DAAM2: variants seen among roughly 807,000 people sequenced by gnomAD.
The protein encoded by DAAM2 is disheveled-associated activator of morphogenesis 2.
Under a neutral mutation model 120.7 loss-of-function variants are expected in DAAM2, and 39 were observed. That is an observed-to-expected ratio of 0.32 (90% confidence interval 0.25 to 0.42). The LOEUF is 0.42. DAAM2 is among the 10% of genes least tolerant of loss of function. The pLI is 1.00. For synonymous variants in DAAM2, 488 were observed against 524.9 expected (o/e 0.93, Z 0.96); for missense variants, 1,283 against 1,401.7 (o/e 0.92, Z 1.35).
intron 5 of DAAM2, among the ~76,000 whole-genome samples, chr6:39,865,888 A>G (rs1019090050): frequency 2.0e-5 from 3 of 152,186 alleles, no homozygotes; most frequent in African/African-American, 4.8e-5. Flanking sequence ...GTTTACATGC[A>G]TTGTATGTGC....
chr6:39,895,009 G>C (rs1159358019), intron 19 of DAAM2, among the ~76,000 whole-genome samples: 1 of 152,064 alleles, frequency 6.6e-6, no homozygotes, highest in Admixed American at 6.5e-5. Flanking sequence ...GGTTGTCCCT[G>C]CTGTTACATG....
In DAAM2 at chr6:39,879,292, C is replaced by T; in HGVS notation, c.1660C>T (p.Pro554Ser). ...TCCTCTGCCCTTTGCCTGTTGTCCCCCTCCCCCACCACCACCCCTTCCTCC... is the reference window on the plus strand; with the variant it reads ...TCCTCTGCCCTTTGCCTGTTGTCCCTCTCCCCCACCACCACCCCTTCCTCC... Reference protein sequence around the residue: ...PPPLPFACCPPPPPPPLPPGG... With the variant: ...PPPLPFACCPSPPPPPLPPGG... Residue 554 changes from proline (P) to serine (S), a missense_variant, in exon 14 of 25, where the codon CCT (proline) becomes TCT (serine). By Grantham distance (74) the Pro-to-Ser change is moderately conservative. Around this residue, in one of 3 missense-constraint regions of DAAM2, gnomAD observed 748 missense variants for 768.6 expected, o/e 0.97. Transcript: ENST00000274867. 6.8e-7 allele frequency: 1 copy of T among 1,466,348 alleles called. No homozygotes were observed. Among genetic ancestry groups the T allele is most frequent in the Non-Finnish European group, 9.4e-7 (1 of 1,066,942 alleles). The allele number at this position is 1,466,348 out of a possible 1,614,324, so 90.8% of individuals were successfully genotyped here.
chr6:39,876,523 C>T (rs544762989), intron 11 of DAAM2, among the ~76,000 whole-genome samples: 107 of 152,286 alleles, frequency 7.0e-4, no homozygotes, highest in African/African-American at 2.4e-3. Context: ...GATAAAAACT[C>T]CTGAGGTCCA....
chr6:39,897,476 A>G (rs1766178037), intron 21 of DAAM2, 194 bp downstream of exon 21: 3 of 507,584 alleles, frequency 5.9e-6, no homozygotes, highest in East Asian at 3.5e-5. Flanking sequence ...GCAAAAGAAG[A>G]TATCTTGTGA....
intron 19 of DAAM2, among the ~76,000 whole-genome samples, chr6:39,896,252 G>A (rs537735266): frequency 9.2e-5 from 14 of 151,564 alleles, no homozygotes; most frequent in African/African-American, 3.4e-4. Flanking sequence ...GCCCAGGCTG[G>A]AGTGCAGTGA....
intron 1 of DAAM2, among the ~76,000 whole-genome samples, chr6:39,812,108 G>A (rs987431798): frequency 1.3e-5 from 2 of 152,186 alleles, no homozygotes; most frequent in East Asian, 1.9e-4. Flanking sequence ...GTTAGGAGGG[G>A]AATATAAGCC....
intron 1 of DAAM2, among the ~76,000 whole-genome samples, chr6:39,813,357 G>A (rs1762219844): frequency 6.6e-6 from 1 of 152,142 alleles, no homozygotes; most frequent in Non-Finnish European, 1.5e-5. Flanking sequence ...CTTTGGGGCA[G>A]CTCAGCTTAC....
chr6:39,798,133 G>A (rs187858069), intron 1 of DAAM2, among the ~76,000 whole-genome samples: 21 of 152,350 alleles, frequency 1.4e-4, no homozygotes, highest in Admixed American at 1.0e-3. Context: ...CATGAACAGA[G>A]CAAGTATAGT....
intron 8 of DAAM2, among the ~76,000 whole-genome samples, chr6:39,871,111 C>G (rs748273091): frequency 6.6e-6 from 1 of 152,088 alleles, no homozygotes; most frequent in African/African-American, 2.4e-5. Context: ...AGACATTGGG[C>G]GATGCCTGCA....
chr6:39,866,604 A>G (rs1764442450), intron 5 of DAAM2, among the ~76,000 whole-genome samples: 1 of 152,354 alleles, frequency 6.6e-6, no homozygotes, highest in East Asian at 1.9e-4. Context: ...GTTTTAAATA[A>G]TAGATAAAAA....
chr6:39,868,968 G>A (rs1295283101), intron 7 of DAAM2, 35 bp downstream of exon 7: 25 of 1,438,096 alleles, frequency 1.7e-5, no homozygotes, highest in Non-Finnish European at 2.1e-5. Context: ...GCTGTTCCCT[G>A]ACTTTCTGGA....
At chr6:39,898,319 A>G (rs970512894) in intron 21 of DAAM2, among the ~76,000 whole-genome samples, 2 of 152,230 alleles carry the variant, frequency 1.3e-5, no homozygotes, top group Non-Finnish European at 2.9e-5. Flanking sequence ...GTACAGGTGG[A>G]AAGAGCTTGG....
At chr6:39,797,280 G>A (rs564005940) in intron 1 of DAAM2, among the ~76,000 whole-genome samples, 3 of 152,300 alleles carry the variant, frequency 2.0e-5, no homozygotes, top group East Asian at 1.9e-4. Flanking sequence ...CATTGAGGCA[G>A]TACCTAACAT....
At chr6:39,806,572 TA>T (rs202061295) in intron 1 of DAAM2, among the ~76,000 whole-genome samples, 91 of 151,486 alleles carry the variant, frequency 6.0e-4, no homozygotes, top group Middle Eastern at 3.4e-3. Flanking sequence ...ATGGCTTATT[TA>T]AAAAAAAATC....
chr6:39,813,479 G>A (rs1582607730), intron 1 of DAAM2, among the ~76,000 whole-genome samples: 3 of 152,142 alleles, frequency 2.0e-5, no homozygotes, highest in African/African-American at 7.2e-5. Flanking sequence ...GGCACCAAGA[G>A]GAAGCACGTG....
chr6:39,885,189 G>T (rs3003936), intron 15 of DAAM2: 7,263 of 152,188 alleles, frequency 0.048, 245 homozygotes, highest in Admixed American at 0.085. Flanking sequence ...GAGGACACAT[G>T]CAGCCGCTCC....
intron 14 of DAAM2, 107 bp downstream of exon 14, chr6:39,879,584 T>C (rs1388554204): frequency 1.4e-6 from 2 of 1,478,160 alleles, no homozygotes; most frequent in Admixed American, 1.7e-5. Flanking sequence ...GGTCCTTTCT[T>C]TGGTGGGGGG....
chr6:39,826,209 G>A (rs1188016544), intron 1 of DAAM2, among the ~76,000 whole-genome samples: 2 of 152,122 alleles, frequency 1.3e-5, no homozygotes, highest in Non-Finnish European at 2.9e-5. Flanking sequence ...GCGATTGTGC[G>A]GCCTGCTCCT....
intron 14 of DAAM2, 127 bp from the exon 15 acceptor site, chr6:39,883,835 T>TG: frequency 3.0e-6 from 2 of 664,906 alleles, no homozygotes; most frequent in South Asian, 3.6e-5. Context: ...GACTACCTTC[T>TG]GAAGGTCTGA....
Sources: allele counts gnomAD v4.1 joint callset (sites outside exome capture counted in the v4.1 genomes callset), GRCh38; gene constraint gnomAD v4.1.1; regional missense constraint gnomAD v4.1.1; transcripts MANE v1.5; gene names NCBI Gene and HGNC (gene_info 2026-07-23, HGNC 2026-07-21).